The following IMMP2L variants were observed in gnomAD, a reference collection of about 807,000 sequenced individuals.
The protein encoded by IMMP2L is mitochondrial inner membrane protease subunit 2.
Under a neutral mutation model 19.3 loss-of-function variants are expected in IMMP2L, and 18 were observed. The observed-to-expected ratio is 0.93, with a 90% CI of 0.64 to 1.38. IMMP2L has a LOEUF of 1.38. Among genes scored for constraint, IMMP2L ranks in the 40% most tolerant of loss-of-function variants. The pLI, the probability that IMMP2L is intolerant of heterozygous loss-of-function variation, is 0.00. For synonymous variants in IMMP2L, 76 were observed against 73.0 expected, an observed-to-expected ratio of 1.04 and a Z score of -0.21; for missense variants, 233 against 218.2, an observed-to-expected ratio of 1.07 and a Z score of -0.43.
intron 3 of IMMP2L, among the ~76,000 whole-genome samples, chr7:111,417,708 G>C (rs1835086429): frequency 6.6e-6 from 1 of 151,876 alleles, no homozygotes; most frequent in Non-Finnish European, 1.5e-5. Flanking sequence ...CCAATAAGGA[G>C]ACATGAAATA....
chr7:111,422,851 G>A (rs963127396), intron 3 of IMMP2L, among the ~76,000 whole-genome samples: 1 of 151,692 alleles, frequency 6.6e-6, no homozygotes, highest in Non-Finnish European at 1.5e-5. Context: ...ATTGGCTGTG[G>A]GTTTGTCATA....
chr7:110,737,078 T>C (rs563581496), intron 5 of IMMP2L, among the ~76,000 whole-genome samples: 3 of 152,294 alleles, frequency 2.0e-5, no homozygotes, highest in East Asian at 3.9e-4. Flanking sequence ...AGCTTGCAGC[T>C]GCCACTTGGA....
intron 1 of IMMP2L, among the ~76,000 whole-genome samples, chr7:111,543,754 C>A (rs1172389744): frequency 1.3e-5 from 2 of 152,140 alleles, no homozygotes; most frequent in Non-Finnish European, 2.9e-5. Context: ...AACTACTACT[C>A]AAAATCTTTT....
chr7:110,700,868 T>C (rs1298837984), intron 5 of IMMP2L, among the ~76,000 whole-genome samples: 1 of 152,252 alleles, frequency 6.6e-6, no homozygotes, highest in Admixed American at 6.5e-5. Context: ...TGATATAGTA[T>C]GTATAATTTA....
At chr7:111,262,299 T>C (rs1019066481) in intron 3 of IMMP2L, among the ~76,000 whole-genome samples, 2 of 152,038 alleles carry the variant, frequency 1.3e-5, no homozygotes, top group South Asian at 4.1e-4. Context: ...GGGAGTGGGA[T>C]TGAAATCTTA....
intron 3 of IMMP2L, among the ~76,000 whole-genome samples, chr7:111,062,964 G>C (rs1794156756): frequency 6.6e-6 from 1 of 152,194 alleles, no homozygotes; most frequent in East Asian, 1.9e-4. Flanking sequence ...TGTCAGTAGT[G>C]CTACCATTCT....
At chr7:110,987,440 A>G (rs189300016) in intron 3 of IMMP2L, among the ~76,000 whole-genome samples, 5 of 152,100 alleles carry the variant, frequency 3.3e-5, no homozygotes, top group Non-Finnish European at 7.4e-5. Context: ...GGTCCTTCTC[A>G]TTTGTTTTTC....
intron 3 of IMMP2L, among the ~76,000 whole-genome samples, chr7:111,472,692 G>A (rs1841374436): frequency 6.6e-6 from 1 of 152,138 alleles, no homozygotes; most frequent in Non-Finnish European, 1.5e-5. Flanking sequence ...ATGTGAAATT[G>A]AAAAGTAAAC....
intron 3 of IMMP2L, among the ~76,000 whole-genome samples, chr7:110,979,871 T>C (rs1276395182): frequency 1.3e-5 from 2 of 152,128 alleles, no homozygotes; most frequent in East Asian, 1.9e-4. Flanking sequence ...CACAGCTTTA[T>C]AAATATACTA....
chr7:111,217,126 T>TCTCTCTCACACACACACACACACACACA (rs1472700586), intron 3 of IMMP2L, among the ~76,000 whole-genome samples: 1 of 123,998 alleles, frequency 8.1e-6, no homozygotes, highest in African/African-American at 3.2e-5. Flanking sequence ...TCTCTCTCTC[T>TCTCTCTCACACACACACACACACACACA]CACACACACA....
intron 5 of IMMP2L, among the ~76,000 whole-genome samples, chr7:110,744,015 C>A (rs765225350): frequency 5.9e-5 from 9 of 152,184 alleles, no homozygotes; most frequent in Non-Finnish European, 1.2e-4. Flanking sequence ...TGTTGAAATT[C>A]TTGCTGCCAG....
At chr7:110,988,073 T>C (rs1822044804) in intron 3 of IMMP2L, among the ~76,000 whole-genome samples, 1 of 152,168 alleles carries the variant, frequency 6.6e-6, no homozygotes, top group African/African-American at 2.4e-5. Context: ...TAATTCTCAG[T>C]ATTTAGAAGA....
At chr7:111,030,884 GTA>G (rs57774530) in intron 3 of IMMP2L, among the ~76,000 whole-genome samples, 3,225 of 125,540 alleles carry the variant, frequency 0.026, 43 homozygotes, top group Admixed American at 0.038. Context: ...GTGTGTGTGT[GTA>G]TATATATATA....
At chr7:111,332,501 G>A (rs944141131) in intron 3 of IMMP2L, among the ~76,000 whole-genome samples, 1 of 151,880 alleles carries the variant, frequency 6.6e-6, no homozygotes, top group Non-Finnish European at 1.5e-5. Context: ...AAATATCTAT[G>A]TACCAAATAA....
chr7:111,491,675 A>G (rs945502181), intron 2 of IMMP2L, among the ~76,000 whole-genome samples: 18 of 152,156 alleles, frequency 1.2e-4, no homozygotes, highest in Non-Finnish European at 1.5e-5. Context: ...GTGAGCTTTC[A>G]CAAGGGTATG....
At chr7:110,911,533 A>C (rs2129548399) in intron 4 of IMMP2L, among the ~76,000 whole-genome samples, 1 of 152,246 alleles carries the variant, frequency 6.6e-6, no homozygotes, top group African/African-American at 2.4e-5. Context: ...GTACAAATAA[A>C]AAGATTCATA....
chr7:111,382,662 G>A (rs1401656453), intron 3 of IMMP2L, among the ~76,000 whole-genome samples: 1 of 152,034 alleles, frequency 6.6e-6, no homozygotes, highest in Admixed American at 6.6e-5. Context: ...GATTAAAGGG[G>A]CAAGAAATGG....
intron 5 of IMMP2L, among the ~76,000 whole-genome samples, chr7:110,857,474 T>A (rs558687530): frequency 6.6e-6 from 1 of 152,078 alleles, no homozygotes; most frequent in South Asian, 2.1e-4. Context: ...AAAAGACATA[T>A]GAAAAAAGAG....
At chr7:111,103,609 T>C (rs1798219292) in intron 3 of IMMP2L, among the ~76,000 whole-genome samples, 1 of 151,726 alleles carries the variant, frequency 6.6e-6, no homozygotes, top group Non-Finnish European at 1.5e-5. Context: ...TCATTTCTCC[T>C]GTTCCAATAT....
Sources: allele counts gnomAD v4.1 joint callset (sites outside exome capture counted in the v4.1 genomes callset), GRCh38; gene constraint gnomAD v4.1.1; transcripts MANE v1.5; gene names NCBI Gene and HGNC (gene_info 2026-07-23, HGNC 2026-07-21).